ANK1: variants seen among roughly 807,000 people sequenced by gnomAD.
ANK1 encodes the protein ankyrin 1.
Under a neutral mutation model 210.4 loss-of-function variants are expected in ANK1, and 51 were observed. The observed-to-expected ratio is 0.24, with a 90% CI of 0.19 to 0.31. The LOEUF is 0.31. Ranked by LOEUF, ANK1 falls within the 10% of genes least tolerant of loss-of-function variation. The pLI is 1.00. For missense variants in ANK1, 2,051 were observed against 2,504.4 expected (o/e 0.82, Z 3.86); for synonymous variants, 967 against 1,025.9 (o/e 0.94, Z 1.10).
chr8:41,772,763 T>C (rs904570391), intron 1 of ANK1, among the ~76,000 whole-genome samples: 3 of 152,220 alleles, frequency 2.0e-5, no homozygotes, highest in East Asian at 1.9e-4. Context: ...AGCTGACCCG[T>C]TGGGCTCTCC....
chr8:41,803,988 A>G (rs867673603), intron 1 of ANK1, among the ~76,000 whole-genome samples: 4 of 152,176 alleles, frequency 2.6e-5, no homozygotes, highest in Non-Finnish European at 4.4e-5. Context: ...TTAATTTGCT[A>G]CTGCTGCATA....
chr8:41,760,413 T>C (rs1840133338), intron 1 of ANK1, among the ~76,000 whole-genome samples: 1 of 152,206 alleles, frequency 6.6e-6, no homozygotes, highest in African/African-American at 2.4e-5. Flanking sequence ...CCTTTGCTCT[T>C]CCTTCATCTT....
Position 41,723,300 on chromosome 8 carries a change from G to A in ANK1, c.811-77C>T. On this transcript the variant is annotated intron_variant, in intron 8 of 42. Transcript: ENST00000289734. The stretch of plus-strand genomic sequence containing the variant: ...CCATTTGGAGAGAAGACTGCCTATG[G>A]CATCATCCCAGCCCACGCAAGTGCT... 3.4e-6 allele frequency: 5 copies of A among 1,478,292 alleles called. No individual in the cohort carries two copies. The South Asian group carries it at 4.5e-5, about 13-fold the overall frequency. The allele number at this position is 1,478,292 out of a possible 1,614,324, so 91.6% of individuals were successfully genotyped here.
At chr8:41,707,918 AG>A (rs1180576048) in intron 17 of ANK1, among the ~76,000 whole-genome samples, 2 of 152,204 alleles carry the variant, frequency 1.3e-5, no homozygotes, top group Non-Finnish European at 1.5e-5. Context: ...TCATCAAAGA[AG>A]TGGTTCTTCA....
At chr8:41,820,707 G>T (rs1021246069) in intron 1 of ANK1, among the ~76,000 whole-genome samples, 18 of 152,208 alleles carry the variant, frequency 1.2e-4, no homozygotes, top group Middle Eastern at 3.4e-3. Context: ...AGGTCCTTTG[G>T]CTGGGATAGG....
At position 41,659,064 on chromosome 8, in the gene ANK1, G is replaced by A. The variant is rs1485174496; in HGVS notation, c.*36+2366C>T. On this transcript the variant is annotated intron_variant, in intron 42 of 42. Coordinates refer to ENST00000289734, the MANE Select transcript of ANK1 (RefSeq NM_000037.4). ...ATGAATACATAACTTTGTGTTAAATGCGTTTCTGTTTCAAGACGCCTTATG... is the reference window on the plus strand; with the variant it reads ...ATGAATACATAACTTTGTGTTAAATACGTTTCTGTTTCAAGACGCCTTATG... Among the ~76,000 whole-genome samples, 3 of 152,182 alleles carry A rather than the reference G, an allele frequency of 2.0e-5. No individual in the cohort carries two copies. The East Asian group carries it at 5.8e-4, about 29-fold the overall frequency.
rs116916253 is a variant in ANK1, at chr8:41,833,615, C to T, written c.126+62740G>A. Among the ~76,000 whole-genome samples the T allele has an allele frequency of 3.5e-3, 534 of 152,324 alleles. 3 individuals are homozygous for T. The highest frequency in any genetic ancestry group is 0.017 in the South Asian group (82 of 4,822). On this transcript the variant is annotated intron_variant, in intron 1 of 42. Coordinates refer to the ANK1 transcript ENST00000265709. The stretch of plus-strand genomic sequence containing the variant: ...GAATGGTCACCGTACAAGTCTAGGA[C>T]ATCTCCTTGTCCCTGGGTGTCCCAA...
intron 1 of ANK1, among the ~76,000 whole-genome samples, chr8:41,873,203 T>A (rs1407240056): frequency 5.3e-5 from 8 of 152,234 alleles, no homozygotes; most frequent in Non-Finnish European, 1.0e-4. Flanking sequence ...TGACTACATT[T>A]TCTTCCCGAT....
intron 39 of ANK1, among the ~76,000 whole-genome samples, chr8:41,666,297 A>G (rs1303537965): frequency 6.6e-6 from 1 of 152,258 alleles, no homozygotes; most frequent in African/African-American, 2.4e-5. Context: ...ACACCTCACC[A>G]CAGTCCTAAC....
rs1848906355 is a variant in ANK1 at position 41,797,164 on chromosome 8, A to C, written c.27+348T>G. ...AAACGCAGTTTAGCAGACTCAAAGGAAAGCCTCTAAGATCTCAATAGATTT... is the reference window on the plus strand; with the variant it reads ...AAACGCAGTTTAGCAGACTCAAAGGCAAGCCTCTAAGATCTCAATAGATTT... On this transcript the variant is annotated intron_variant, in intron 1 of 42. Coordinates refer to ENST00000289734, the MANE Select transcript of ANK1 (RefSeq NM_000037.4). The surrounding 1 kb of genome is among the most constrained non-coding windows in gnomAD (Gnocchi z 4.0). 6.6e-6 allele frequency among the ~76,000 whole-genome samples: 1 copy of C among 152,212 alleles called. No homozygotes were observed. The highest frequency in any genetic ancestry group is 2.4e-5 in the African/African-American group (1 of 41,462).
At chr8:41,852,034 A>G (rs1377143022) in intron 1 of ANK1, among the ~76,000 whole-genome samples, 1 of 152,184 alleles carries the variant, frequency 6.6e-6, no homozygotes, top group Non-Finnish European at 1.5e-5. Context: ...TTTATAACTG[A>G]GGAAACTGAG....
chr8:41,676,259 G>A (rs1410040386), intron 37 of ANK1, among the ~76,000 whole-genome samples: 1 of 152,174 alleles, frequency 6.6e-6, no homozygotes, highest in African/African-American at 2.4e-5. Context: ...GATATGGCCA[G>A]CCTTTTTAAT....
chr8:41,796,886 C>A (rs1232216807), intron 1 of ANK1, among the ~76,000 whole-genome samples: 1 of 152,084 alleles, frequency 6.6e-6, no homozygotes, highest in Non-Finnish European at 1.5e-5. Flanking sequence ...GCCTTGCTAA[C>A]GCGCCATTAT....
intron 2 of ANK1, among the ~76,000 whole-genome samples, chr8:41,736,739 A>C (rs947346479): frequency 1.4e-4 from 22 of 152,318 alleles, no homozygotes; most frequent in African/African-American, 5.3e-4. Context: ...ATGCTCTGGG[A>C]CGGCCGGCCC....
At chr8:41,842,114 G>A (rs993809758) in intron 1 of ANK1, among the ~76,000 whole-genome samples, 1 of 152,250 alleles carries the variant, frequency 6.6e-6, no homozygotes, top group African/African-American at 2.4e-5. Flanking sequence ...CACCCCAAGG[G>A]AGGCAGCACC....
intron 37 of ANK1, among the ~76,000 whole-genome samples, chr8:41,682,336 G>A (rs1816316367): frequency 6.6e-6 from 1 of 152,198 alleles, no homozygotes; most frequent in Non-Finnish European, 1.5e-5. Context: ...TGCACCATGA[G>A]TCCCCCTGGC....
intron 10 of ANK1, 138 bp downstream of exon 10, chr8:41,719,521 TCA>T: frequency 9.0e-7 from 1 of 1,113,434 alleles, no homozygotes; most frequent in Non-Finnish European, 1.3e-6. Context: ...TCCAGTGCTG[TCA>T]CACCCCACTG....
chr8:41,700,604 C>G (rs1563480938), intron 22 of ANK1: 9 of 809,828 alleles, frequency 1.1e-5, no homozygotes, highest in Non-Finnish European at 1.9e-5. Flanking sequence ...TGGAAGGGAC[C>G]ACTGAGCTGA....
At chr8:41,803,090 A>AAAGGAAAGGAAAGGAAAGGAAAG (rs1850377432) in intron 1 of ANK1, among the ~76,000 whole-genome samples, 1 of 24,912 alleles carries the variant, frequency 4.0e-5, no homozygotes, top group African/African-American at 9.6e-5. Context: ...GAAGGGAAGG[A>AAAGGAAAGGAAAGGAAAGGAAAG]AAGGAAAGGA....
Sources: allele counts gnomAD v4.1 joint callset (sites outside exome capture counted in the v4.1 genomes callset), GRCh38; gene constraint gnomAD v4.1.1; non-coding constraint Gnocchi (gnomAD v3.1); transcripts MANE v1.5; gene names NCBI Gene and HGNC (gene_info 2026-07-23, HGNC 2026-07-21).